Variants in RUFY3 observed in about 807,000 individuals in gnomAD.
The protein encoded by RUFY3 is RUN and FYVE domain containing 3.
RUFY3 carries 34 observed loss-of-function variants against 84.0 expected under a neutral mutation model. The ratio of observed to expected loss-of-function variants is 0.40; its 90% CI spans 0.31 to 0.54. The LOEUF is 0.54. RUFY3 is among the 20% of genes least tolerant of loss of function. The pLI, the probability that RUFY3 is intolerant of heterozygous loss-of-function variation, is 0.39. For missense variants in RUFY3, 507 were observed against 736.8 expected (o/e 0.69, Z 3.61); for synonymous variants, 242 against 252.9 (o/e 0.96, Z 0.41).
At chr4:70,750,036 T>G (rs1397621210) in intron 1 of RUFY3, among the ~76,000 whole-genome samples, 1 of 151,924 alleles carries the variant, frequency 6.6e-6, no homozygotes, top group African/African-American at 2.4e-5. Flanking sequence ...GTCTCAACCC[T>G]GTTGCCCAGG....
In RUFY3 at chr4:70,714,413, C is replaced by T. The variant is rs1741344810; in HGVS notation, c.358+9119C>T. On this transcript the variant is annotated intron_variant, in intron 1 of 11. Transcript: ENST00000417478. ...CAGACATTAAGACTTTCCTAAACAC[C>T]TAAAATTGTCTGTTTCTTGTCTATT... Among the ~76,000 whole-genome samples, 3 of 152,190 alleles carry T rather than the reference C, an allele frequency of 2.0e-5. No individual in the cohort carries two copies. The South Asian group carries it at 6.2e-4, about 32-fold the overall frequency.
intron 4 of RUFY3, among the ~76,000 whole-genome samples, chr4:70,765,633 TCTA>T (rs761472000): frequency 2.4e-4 from 37 of 152,328 alleles, no homozygotes; most frequent in Non-Finnish European, 4.7e-4. Flanking sequence ...TCATTCCAGT[TCTA>T]CTCAGTTTCC....
intron 8 of RUFY3, among the ~76,000 whole-genome samples, chr4:70,779,223 C>G (rs1453182899): frequency 6.6e-6 from 1 of 152,134 alleles, no homozygotes; most frequent in Non-Finnish European, 1.5e-5. Flanking sequence ...GTCAGAAGAT[C>G]AGTAATCCCT....
chr4:70,771,352 C>A (rs1379800676), intron 5 of RUFY3, among the ~76,000 whole-genome samples: 1 of 151,976 alleles, frequency 6.6e-6, no homozygotes, highest in African/African-American at 2.4e-5. Flanking sequence ...GCAGTTGACT[C>A]TTGAACAACA....
At chr4:70,804,840 G>A (rs1220984517) in intron 17 of RUFY3, among the ~76,000 whole-genome samples, 1 of 151,582 alleles carries the variant, frequency 6.6e-6, no homozygotes, top group Non-Finnish European at 1.5e-5. Flanking sequence ...CAGGAGAATC[G>A]CTTGAACCCG....
intron 1 of RUFY3, among the ~76,000 whole-genome samples, chr4:70,724,213 C>G (rs1356206798): frequency 6.6e-6 from 1 of 152,102 alleles, no homozygotes; most frequent in Non-Finnish European, 1.5e-5. Flanking sequence ...GCCTCCAAAG[C>G]TTTAAAAGTC....
intron 1 of RUFY3, among the ~76,000 whole-genome samples, chr4:70,759,794 T>C (rs16845433): frequency 0.027 from 4,090 of 152,278 alleles, 78 homozygotes; most frequent in Middle Eastern, 0.048. Flanking sequence ...CTTTCATTTG[T>C]TTAGATTAGT....
chr4:70,774,644 A>AATATATATATATATATATATAT (rs1553916772), intron 6 of RUFY3, among the ~76,000 whole-genome samples: 4 of 56,680 alleles, frequency 7.1e-5, no homozygotes, highest in African/African-American at 2.5e-4. Context: ...AAAAAAAAAA[A>AATATATATATATATATATATAT]ATATATATAT....
chr4:70,790,957 GA>G (rs1204704692), intron 12 of RUFY3, among the ~76,000 whole-genome samples: 2 of 152,070 alleles, frequency 1.3e-5, no homozygotes, highest in Non-Finnish European at 2.9e-5. Context: ...GTCTACCTAG[GA>G]AAGATGGTTA....
At chr4:70,710,571 G>A (rs1007024277) in intron 1 of RUFY3, among the ~76,000 whole-genome samples, 3 of 152,104 alleles carry the variant, frequency 2.0e-5, no homozygotes, top group Non-Finnish European at 4.4e-5. Flanking sequence ...TCAGGAGTTT[G>A]AGGCAGGAGA....
intron 8 of RUFY3, 109 bp from the exon 9 acceptor site, chr4:70,782,982 T>A: frequency 3.0e-6 from 2 of 663,452 alleles, no homozygotes; most frequent in South Asian, 2.2e-5. Flanking sequence ...GCTTCCTTGC[T>A]TTCTAAGAAT....
intron 3 of RUFY3, 110 bp downstream of exon 3, chr4:70,763,779 C>A: frequency 1.5e-6 from 2 of 1,318,018 alleles, no homozygotes; most frequent in South Asian, 1.6e-5. Context: ...TATAACAATC[C>A]AAAATGCATG....
rs752645974 is a variant in RUFY3 at position 70,800,172 on chromosome 4, TTAAAC to T, written c.1594_1598del (p.Leu532LysfsTer16). The stretch of plus-strand genomic sequence containing the variant: ...AAGCACAAAATGCAAGAGGAAAATG[TTAAAC>T]TAAAAAAGCCCCTGGAAGAAAGCCA... On this transcript the variant is annotated frameshift_variant, in exon 15 of 18. Coordinates refer to ENST00000381006, the MANE Select transcript of RUFY3 (RefSeq NM_001037442.4). LOFTEE classifies it high-confidence loss of function. 4 of 1,607,302 alleles carry T rather than the reference TTAAAC, an allele frequency of 2.5e-6. No individual in the cohort carries two copies. The highest frequency in any genetic ancestry group is 2.3e-5 in the South Asian group (2 of 88,434).
chr4:70,793,323 C>A (rs1425368495), intron 12 of RUFY3: 17 of 1,003,608 alleles, frequency 1.7e-5, no homozygotes, highest in Non-Finnish European at 2.0e-5. Flanking sequence ...CAAGAAAAAA[C>A]TATAATTCCA....
intron 1 of RUFY3, among the ~76,000 whole-genome samples, chr4:70,746,218 G>A (rs1321591404): frequency 1.3e-5 from 2 of 151,942 alleles, no homozygotes; most frequent in African/African-American, 4.8e-5. Context: ...GGTGGCAGGC[G>A]CCTGTAATCC....
chr4:70,718,777 G>C (rs1229775363), upstream of RUFY3, among the ~76,000 whole-genome samples: 1 of 151,746 alleles, frequency 6.6e-6, no homozygotes, highest in Non-Finnish European at 1.5e-5. Flanking sequence ...GAGTGCAGTG[G>C]TGCAATCTCA....
rs755901233 is a variant in RUFY3 at position 70,721,995 on chromosome 4, C to G, written c.-579C>G. On this transcript the variant is annotated 5_prime_UTR_variant, in exon 1 of 18. Coordinates refer to ENST00000381006, the MANE Select transcript of RUFY3 (RefSeq NM_001037442.4). ...TTAGTCAGCCATTTTGGTCAACACC[C>G]TGCTTACTGCGCACGGCCAATCCTA... 102 of 1,232,082 alleles carry G rather than the reference C, an allele frequency of 8.3e-5. No individual in the cohort carries two copies. The highest frequency in any genetic ancestry group is 9.5e-5 in the Non-Finnish European group (94 of 988,000). 76.3% of individuals were successfully genotyped at this position (1,232,082 alleles called of 1,614,324 possible). A position where few individuals can be genotyped will look rare whatever the true frequency, so the allele number is the denominator to read the frequency against.
chr4:70,800,418 T>A (rs748404224), intron 15 of RUFY3, among the ~76,000 whole-genome samples: 2 of 152,226 alleles, frequency 1.3e-5, no homozygotes, highest in Non-Finnish European at 2.9e-5. Flanking sequence ...AGAAGGATGA[T>A]CAGGCTGTCC....
intron 1 of RUFY3, among the ~76,000 whole-genome samples, chr4:70,749,510 G>A (rs972362973): frequency 5.7e-5 from 7 of 122,184 alleles, no homozygotes; most frequent in African/African-American, 2.1e-4. Flanking sequence ...CAATGCTAAA[G>A]CCCATCAAAA....
Sources: gnomAD v4.1 joint callset for allele counts (sites outside exome capture counted in the v4.1 genomes callset) on GRCh38, gnomAD v4.1.1 for gene constraint, MANE v1.5 for transcripts, NCBI Gene and HGNC (gene_info 2026-07-23, HGNC 2026-07-21) for gene names.